The following KATNA1 variants were observed in gnomAD, a reference collection of about 807,000 sequenced individuals.
KATNA1 encodes the protein katanin p60 ATPase-containing subunit A1.
In KATNA1, 42 loss-of-function variants were observed where a neutral mutation model predicts 62.6. The ratio of observed to expected loss-of-function variants is 0.67; its 90% CI spans 0.52 to 0.87. The LOEUF (loss-of-function observed/expected upper bound fraction) is 0.87, where lower values mean the gene tolerates loss of function less well. KATNA1 is among the 40% of genes least tolerant of loss of function. The pLI, the probability that KATNA1 is intolerant of heterozygous loss-of-function variation, is 0.00. For synonymous variants in KATNA1, 186 were observed against 201.9 expected (o/e 0.92, Z 0.67); for missense variants, 498 against 612.5 (o/e 0.81, Z 1.97).
At chr6:149,639,734 C>T (rs927169072) in intron 1 of KATNA1, among the ~76,000 whole-genome samples, 1 of 152,152 alleles carries the variant, frequency 6.6e-6, no homozygotes, top group African/African-American at 2.4e-5. Flanking sequence ...CTCCTCAGTT[C>T]AAAATAAACT....
chr6:149,623,327 A>C, intron 3 of KATNA1, 44 bp from the exon 4 acceptor site: 2 of 1,398,018 alleles, frequency 1.4e-6, no homozygotes, highest in Non-Finnish European at 9.7e-7. Context: ...AACTCCACAT[A>C]TGGATGAACA....
At chr6:149,605,235 A>C (rs1412568319) in intron 4 of KATNA1, among the ~76,000 whole-genome samples, 1 of 152,156 alleles carries the variant, frequency 6.6e-6, no homozygotes, top group Non-Finnish European at 1.5e-5. Flanking sequence ...ACTCTAAGTC[A>C]TCCTTCTACA....
chr6:149,624,618 G>A (rs1779532999), intron 3 of KATNA1, among the ~76,000 whole-genome samples: 1 of 151,736 alleles, frequency 6.6e-6, no homozygotes. Flanking sequence ...GGGCTCAATC[G>A]ATCCTCCCAC....
At chr6:149,596,677 G>A (rs1582746361) in intron 10 of KATNA1, among the ~76,000 whole-genome samples, 2 of 151,896 alleles carry the variant, frequency 1.3e-5, no homozygotes, top group African/African-American at 4.8e-5. Flanking sequence ...GGGCTCAAGC[G>A]ATCCTCCTGC....
intron 1 of KATNA1, among the ~76,000 whole-genome samples, chr6:149,643,796 G>A (rs1780377094): frequency 6.6e-6 from 1 of 151,530 alleles, no homozygotes; most frequent in Admixed American, 6.6e-5. Flanking sequence ...CTGATCCTGA[G>A]TAGCTGGGAC....
At chr6:149,611,462 C>CAAAAAAAAAAAAAA (rs1179618459) in intron 4 of KATNA1, among the ~76,000 whole-genome samples, 15 of 34,362 alleles carry the variant, frequency 4.4e-4, no homozygotes, top group South Asian at 1.0e-3. Context: ...AACTCTGTCT[C>CAAAAAAAAAAAAAA]AAAAAAAAAA....
chr6:149,608,473 CT>C (rs1235389363), intron 4 of KATNA1, among the ~76,000 whole-genome samples: 1 of 152,142 alleles, frequency 6.6e-6, no homozygotes, highest in African/African-American at 2.4e-5. Context: ...CAAGACAGAG[CT>C]TTTAGACAGT....
chr6:149,616,797 C>T (rs539009283), intron 4 of KATNA1, among the ~76,000 whole-genome samples: 80 of 152,066 alleles, frequency 5.3e-4, no homozygotes, highest in Non-Finnish European at 9.7e-4. Flanking sequence ...CCCAGCAAAT[C>T]CACTTCTTGT....
At chr6:149,642,370 T>A (rs769115561) in intron 1 of KATNA1, among the ~76,000 whole-genome samples, 3 of 152,180 alleles carry the variant, frequency 2.0e-5, no homozygotes, top group Non-Finnish European at 4.4e-5. Flanking sequence ...TATATGTACA[T>A]AGACACACAC....
At chr6:149,608,555 G>T (rs887834287) in intron 4 of KATNA1, among the ~76,000 whole-genome samples, 11 of 152,310 alleles carry the variant, frequency 7.2e-5, no homozygotes, top group African/African-American at 2.6e-4. Context: ...CAAAGGCAGG[G>T]TGGAAGGCCT....
At chr6:149,624,925 GA>G (rs1302944671) in intron 3 of KATNA1, among the ~76,000 whole-genome samples, 1 of 149,972 alleles carries the variant, frequency 6.7e-6, no homozygotes, top group Non-Finnish European at 1.5e-5. Context: ...CATGAAGACA[GA>G]AAAGAAACTG....
chr6:149,640,444 AC>A (rs1780235136), intron 1 of KATNA1, among the ~76,000 whole-genome samples: 1 of 152,116 alleles, frequency 6.6e-6, no homozygotes, highest in East Asian at 1.9e-4. Context: ...GGCAACAGAG[AC>A]AGAGTGAGAC....
intron 4 of KATNA1, among the ~76,000 whole-genome samples, chr6:149,620,203 G>A (rs1419992908): frequency 6.6e-6 from 1 of 152,142 alleles, no homozygotes; most frequent in Non-Finnish European, 1.5e-5. Context: ...GGGAAGGTGG[G>A]TGTATCAGAC....
At chr6:149,611,243 C>T (rs941239258) in intron 4 of KATNA1, among the ~76,000 whole-genome samples, 7 of 151,888 alleles carry the variant, frequency 4.6e-5, no homozygotes, top group African/African-American at 1.7e-4. Context: ...GGAGGGATTG[C>T]CTGAGATCAG....
chr6:149,598,300 G>T lies in KATNA1; in HGVS notation c.939C>A (p.Ile313=), dbSNP rs1289274906. The change falls in exon 8 of 11, where the codon ATC becomes ATA. Residue 313 remains isoleucine (I), a synonymous_variant. Coordinates refer to ENST00000367411, the MANE Select transcript of KATNA1 (RefSeq NM_007044.4). ...CTTCAGAAGTCCCTCGGCGACTACAGATGGAGTCTATCTCATCAATAAATA... is the reference window on the plus strand; with the variant it reads ...CTTCAGAAGTCCCTCGGCGACTACATATGGAGTCTATCTCATCAATAAATA... ...ATIFIDEIDS[I]CSRRGTSEEH... 1.2e-6 allele frequency: 2 copies of T among 1,613,872 alleles called. No individual in the cohort carries two copies. The highest frequency in any genetic ancestry group is 2.7e-5 in the African/African-American group (2 of 74,990).
chr6:149,622,563 C>T (rs992214991), intron 4 of KATNA1, among the ~76,000 whole-genome samples: 6 of 151,974 alleles, frequency 3.9e-5, no homozygotes, highest in East Asian at 1.9e-4. Flanking sequence ...GTCTGCTAGT[C>T]TGAAATTATA....
rs755713944 is a variant in KATNA1 at position 149,594,998 on chromosome 6, CACTT to C, written c.*34_*37del. On this transcript the variant is annotated 3_prime_UTR_variant, in exon 11 of 11. Coordinates refer to ENST00000367411, the MANE Select transcript of KATNA1 (RefSeq NM_007044.4). ...TGAATTACTGCATTTAATATTCAAA[CACTT>C]AAGGCACATTTCTCACAGTTTACAT... 3.9e-4 allele frequency: 587 copies of C among 1,513,080 alleles called. 5 individuals carry two copies. The African/African-American group carries it at 6.9e-3, about 18-fold the overall frequency. The allele number at this position is 1,513,080 out of a possible 1,614,324, so 93.7% of individuals were successfully genotyped here.
intron 2 of KATNA1, among the ~76,000 whole-genome samples, chr6:149,634,941 CT>C (rs11438803): frequency 0.28 from 40,504 of 144,208 alleles, 7,042 homozygotes; most frequent in Non-Finnish European, 0.41. Flanking sequence ...TAAAAGCAGT[CT>C]TTTTTTTTTT....
intron 2 of KATNA1, among the ~76,000 whole-genome samples, chr6:149,637,811 G>A (rs764513088): frequency 2.0e-5 from 3 of 152,014 alleles, no homozygotes; most frequent in South Asian, 2.1e-4. Context: ...ACTCTGTCTC[G>A]AGGAAAAAAC....
Sources: allele counts gnomAD v4.1 joint callset (sites outside exome capture counted in the v4.1 genomes callset), GRCh38; gene constraint gnomAD v4.1.1; transcripts MANE v1.5; gene names NCBI Gene and HGNC (gene_info 2026-07-23, HGNC 2026-07-21).